The following WDR33 variants were observed in gnomAD, a reference collection of about 807,000 sequenced individuals.
The protein encoded by WDR33 is pre-mRNA 3' end processing protein WDR33.
WDR33 carries 47 observed loss-of-function variants against 164.9 expected under a neutral mutation model. The ratio of observed to expected loss-of-function variants is 0.29; its 90% CI spans 0.23 to 0.36. The LOEUF (loss-of-function observed/expected upper bound fraction) is 0.36. WDR33 is among the 10% of genes least tolerant of loss of function. The pLI is 1.00. For synonymous variants in WDR33, 505 were observed against 589.0 expected (o/e 0.86, Z 2.06); for missense variants, 1,137 against 1,754.1 (o/e 0.65, Z 6.28).
In WDR33 at chr2:127,706,149, A is replaced by C; in HGVS notation, c.*174T>G. 2.1e-6 allele frequency: 1 copy of C among 479,608 alleles called. No individual in the cohort carries two copies. The highest frequency in any genetic ancestry group is 3.5e-6 in the Non-Finnish European group (1 of 286,502). 29.7% of individuals were successfully genotyped at this position (479,608 alleles called of 1,614,324 possible). On this transcript the variant is annotated 3_prime_UTR_variant, in exon 22 of 22. Coordinates refer to ENST00000322313, the MANE Select transcript of WDR33 (RefSeq NM_018383.5). The surrounding 1 kb of genome is among the most constrained non-coding windows in gnomAD (Gnocchi z 5.1). ...ACAGGACAGGGCCAGCCAGGCTGGT[A>C]GCTGGCAGCAGTCTCTTCATCTTGA...
rs185615277 is a variant in WDR33 at position 127,713,985 on chromosome 2, G to A, written c.2906C>T (p.Pro969Leu). Residue 969 changes from proline (P) to leucine (L), a missense_variant, in exon 18 of 22, where the codon CCG becomes CTG. Coordinates refer to ENST00000322313, the MANE Select transcript of WDR33 (RefSeq NM_018383.5). The surrounding 1 kb of genome is among the most constrained non-coding windows in gnomAD (Gnocchi z 6.2). ...SRGPPNHHMG[P>L]MSERRHEQSG... ...CTGCTCATGCCGCCTCTCTGACATCGGGCCCATGTGATGGTTTGGAGGGCC... is the reference window on the plus strand; with the variant it reads ...CTGCTCATGCCGCCTCTCTGACATCAGGCCCATGTGATGGTTTGGAGGGCC... 116 of 1,540,460 alleles carry A rather than the reference G, an allele frequency of 7.5e-5. No homozygotes were observed. In the East Asian group the frequency reaches 2.4e-3, roughly 32 times the overall value.
intron 1 of WDR33, among the ~76,000 whole-genome samples, chr2:127,805,579 G>T (rs1189404802): frequency 1.3e-5 from 2 of 152,094 alleles, no homozygotes; most frequent in Non-Finnish European, 2.9e-5. Context: ...GCTGTTTGTG[G>T]TGACAGAGTC....
chr2:127,703,010 T>G lies in WDR33; in HGVS notation c.*3313A>C, dbSNP rs760707882. 2 of 167,122 alleles carry G rather than the reference T, an allele frequency of 1.2e-5. No individual in the cohort carries two copies. Among genetic ancestry groups the G allele is most frequent in the East Asian group, 3.8e-4 (2 of 5,204 alleles). The allele number at this position is 167,122 out of a possible 1,614,324, so 10.4% of individuals were successfully genotyped here. On this transcript the variant is annotated 3_prime_UTR_variant, in exon 22 of 22. Transcript: ENST00000322313. ...CTGCTTTGTAAACTAGTTTACAATT[T>G]GCAGGCTGATCTTAAGATTTTTTTA... is the stretch of plus-strand genomic sequence containing the variant.
intron 7 of WDR33, among the ~76,000 whole-genome samples, chr2:127,755,458 G>A (rs896838670): frequency 6.6e-6 from 1 of 152,106 alleles, no homozygotes; most frequent in African/African-American, 2.4e-5. Context: ...AGCTCAAAAG[G>A]TTGCCTGTAT....
intron 1 of WDR33, among the ~76,000 whole-genome samples, chr2:127,795,102 C>CTTTTTT (rs552910693): frequency 0.024 from 3,081 of 131,010 alleles, 135 homozygotes; most frequent in African/African-American, 0.047. Flanking sequence ...AATAACTTCT[C>CTTTTTT]TTTTTTTTTT....
rs369793106 is a variant in WDR33 at position 127,739,551 on chromosome 2, T to C, written c.725-12774A>G. 1.7e-4 allele frequency among the ~76,000 whole-genome samples: 26 copies of C among 152,376 alleles called. No homozygotes were observed. The East Asian group carries it at 5.0e-3, about 29-fold the overall frequency. On this transcript the variant is annotated intron_variant, in intron 7 of 21. Transcript: ENST00000322313. Reference sequence around the variant, plus strand: ...TAAATCTCAGATGTCACTTACTAGTTACGTCCTTAAGTAATCTACTTAACC... The same window carrying C: ...TAAATCTCAGATGTCACTTACTAGTCACGTCCTTAAGTAATCTACTTAACC...
intron 1 of WDR33, among the ~76,000 whole-genome samples, chr2:127,786,163 A>T (rs1054857635): frequency 6.6e-5 from 10 of 152,174 alleles, no homozygotes; most frequent in Admixed American, 4.6e-4. Context: ...CCTCCTGAGT[A>T]GCTAAGCCCA....
In WDR33 at chr2:127,705,174, T is replaced by C. The variant is rs1364193501; in HGVS notation, c.*1149A>G. 6.0e-6 allele frequency: 1 copy of C among 167,128 alleles called. No homozygotes were observed. Among genetic ancestry groups the C allele is most frequent in the Non-Finnish European group, 1.5e-5 (1 of 68,126 alleles). 10.4% of individuals were successfully genotyped at this position (167,128 alleles called of 1,614,324 possible). On this transcript the variant is annotated 3_prime_UTR_variant, in exon 22 of 22. Transcript: ENST00000322313. The surrounding 1 kb of genome is among the most constrained non-coding windows in gnomAD (Gnocchi z 4.5). ...CTGCCAATGTAATGAAATGTTAAGG[T>C]GGCCATAGGACAGTCCTTTTAATAA...
rs749263433 is a variant in WDR33 at position 127,713,685 on chromosome 2, G to A, written c.3206C>T (p.Ala1069Val). 1.2e-6 allele frequency: 2 copies of A among 1,614,198 alleles called. No homozygotes were observed. The highest frequency in any genetic ancestry group is 1.7e-6 in the Non-Finnish European group (2 of 1,180,016). The change falls in exon 18 of 22, where the codon GCA becomes GTA. Residue 1069 changes from alanine (A) to valine (V), a missense_variant. This residue lies in a region of WDR33 where 867 missense variants were observed against 1,073.0 expected (regional missense o/e 0.81). Transcript: ENST00000322313. The surrounding 1 kb of genome is among the most constrained non-coding windows in gnomAD (Gnocchi z 6.2). Reference protein sequence around the residue: ...REFSEGDGRGAARGPPGAWEG... With the variant: ...REFSEGDGRGVARGPPGAWEG... ...CCATGCCCCCGGAGGGCCTCGGGCT[G>A]CACCCCGGCCATCCCCCTCGCTGAA...
chr2:127,786,662 C>A lies in WDR33; in HGVS notation c.-23-15658G>T, dbSNP rs547029169. Among the ~76,000 whole-genome samples, 13 of 152,150 alleles carry A rather than the reference C, an allele frequency of 8.5e-5. No individual in the cohort carries two copies. In the East Asian group the frequency reaches 1.7e-3, roughly 20 times the overall value. On this transcript the variant is annotated intron_variant, in intron 1 of 21. Transcript: ENST00000322313. Reference sequence around the variant, plus strand: ...TTGCGTCACTGCACTCCAGCCTGGGCAAAACAGCAAGACTCTGTCTCAAAA... The same window carrying A: ...TTGCGTCACTGCACTCCAGCCTGGGAAAAACAGCAAGACTCTGTCTCAAAA...
rs1186525263 is a variant in WDR33 at position 127,716,465 on chromosome 2, C to G, written c.2869+690G>C. ...TTCCTCTCACTCCCCTCCATCCACTCCGAGTCACCCCCTGCAACTCTCCCC... is the reference window on the plus strand; with the variant it reads ...TTCCTCTCACTCCCCTCCATCCACTGCGAGTCACCCCCTGCAACTCTCCCC... On this transcript the variant is annotated intron_variant, in intron 17 of 21. Transcript: ENST00000322313. This position sits in a 1 kb window ranked among gnomAD's most constrained non-coding sequence, Gnocchi z 4.5. 4.6e-5 allele frequency among the ~76,000 whole-genome samples: 7 copies of G among 152,196 alleles called. No homozygotes were observed. The highest frequency in any genetic ancestry group is 8.8e-5 in the Non-Finnish European group (6 of 68,042).
At chr2:127,742,522 C>CAAAAA (rs66766896) in intron 7 of WDR33, among the ~76,000 whole-genome samples, 5 of 79,226 alleles carry the variant, frequency 6.3e-5, no homozygotes, top group African/African-American at 2.4e-4. Context: ...GACCCTGTCT[C>CAAAAA]AAAAAAAAAA....
In WDR33 at chr2:127,712,779, G is replaced by A. The variant is rs1686212780; in HGVS notation, c.3308+804C>T. On this transcript the variant is annotated intron_variant, in intron 18 of 21. Coordinates refer to ENST00000322313, the MANE Select transcript of WDR33 (RefSeq NM_018383.5). This position sits in a 1 kb window ranked among gnomAD's most constrained non-coding sequence, Gnocchi z 4.0. ...TTGTTTTGTTTTGTTTTTCTTTTAA[G>A]AGACAGGGTCTTGCTCTGTAGCCCA... 6.6e-6 allele frequency among the ~76,000 whole-genome samples: 1 copy of A among 151,536 alleles called. No homozygotes were observed. The highest frequency in any genetic ancestry group is 6.6e-5 in the Admixed American group (1 of 15,254).
At chr2:127,782,999 ACT>A (rs1296069063) in intron 1 of WDR33, among the ~76,000 whole-genome samples, 1 of 152,050 alleles carries the variant, frequency 6.6e-6, no homozygotes, top group African/African-American at 2.4e-5. Context: ...ACAGAGTGAG[ACT>A]CTGTCTCAAA....
At chr2:127,778,548 G>A (rs1179064258) in intron 1 of WDR33, among the ~76,000 whole-genome samples, 2 of 151,988 alleles carry the variant, frequency 1.3e-5, no homozygotes, top group African/African-American at 4.8e-5. Context: ...GTTCTCAAGA[G>A]TCTGACCGTT....
chr2:127,796,212 T>G (rs970593279), intron 1 of WDR33, among the ~76,000 whole-genome samples: 1 of 151,662 alleles, frequency 6.6e-6, no homozygotes, highest in Non-Finnish European at 1.5e-5. Flanking sequence ...GCTGGGACTA[T>G]ACAGCATGTG....
At chr2:127,806,482 C>T (rs1689446628) in intron 1 of WDR33, among the ~76,000 whole-genome samples, 1 of 152,122 alleles carries the variant, frequency 6.6e-6, no homozygotes, top group African/African-American at 2.4e-5. Context: ...GCTGGGATTA[C>T]AGGCGTGAGC....
chr2:127,758,359 C>G (rs1267010333), intron 7 of WDR33, among the ~76,000 whole-genome samples: 1 of 152,160 alleles, frequency 6.6e-6, no homozygotes, highest in Non-Finnish European at 1.5e-5. Flanking sequence ...TGGAGCCAAA[C>G]AGGCTTCAAA....
At chr2:127,807,290 GC>G (rs1320804649) in intron 1 of WDR33, among the ~76,000 whole-genome samples, 1 of 152,188 alleles carries the variant, frequency 6.6e-6, no homozygotes, top group Non-Finnish European at 1.5e-5. Context: ...ACAGATGTGA[GC>G]CACTGCACCT....
Sources: allele counts gnomAD v4.1 joint callset (sites outside exome capture counted in the v4.1 genomes callset), GRCh38; gene constraint gnomAD v4.1.1; regional missense constraint gnomAD v4.1.1; non-coding constraint Gnocchi (gnomAD v3.1); transcripts MANE v1.5; gene names NCBI Gene and HGNC (gene_info 2026-07-23, HGNC 2026-07-21).